Variants in SP9 observed in about 807,000 individuals in gnomAD.
The protein encoded by SP9 is Sp9 transcription factor, also known as transcription factor Sp9.
SP9 carries 5 observed loss-of-function variants against 23.0 expected under a neutral mutation model. The ratio of observed to expected loss-of-function variants is 0.22; its 90% CI spans 0.11 to 0.46. The LOEUF (loss-of-function observed/expected upper bound fraction) is 0.46, where lower values mean the gene tolerates loss of function less well. Among genes scored for constraint, SP9 ranks in the 20% least tolerant of loss-of-function variants. The probability of loss-of-function intolerance (pLI) is 0.99; values close to 1 mark genes in which losing one functional copy is unlikely to be tolerated. For missense variants in SP9, 542 were observed against 724.0 expected, an observed-to-expected ratio of 0.75 and a Z score of 2.88; for synonymous variants, 360 against 356.5, an observed-to-expected ratio of 1.01 and a Z score of -0.11.
Position 174,336,856 on chromosome 2 carries a change from G to A in SP9, c.771G>A (p.Gln257=). ...LLSTSQHLLA[Q]DGFKPVLPSY... is the part of the protein sequence containing the mutation. ...CCACCAGCCAGCACCTGCTGGCCCAGGACGGCTTCAAGCCGGTGTTGCCCT... is the reference window on the plus strand; with the variant it reads ...CCACCAGCCAGCACCTGCTGGCCCAAGACGGCTTCAAGCCGGTGTTGCCCT... Residue 257 remains glutamine (Q), a synonymous_variant, in exon 2 of 2, where the codon CAG becomes CAA. Transcript: ENST00000394967. 6.6e-7 allele frequency: 1 copy of A among 1,522,906 alleles called. No homozygotes were observed. Among genetic ancestry groups the A allele is most frequent in the Non-Finnish European group, 8.8e-7 (1 of 1,141,404 alleles). The allele number at this position is 1,522,906 out of a possible 1,614,324, so 94.3% of individuals were successfully genotyped here.
rs1481291700 is a variant in SP9, at chr2:174,337,035, A to G, written c.950A>G (p.Glu317Gly). The change falls in exon 2 of 2, where the codon GAG (glutamate) becomes GGG (glycine). Residue 317 changes from glutamate to glycine, a missense_variant. This residue lies in a region of SP9 where 56 missense variants were observed against 97.8 expected (regional missense o/e 0.57). Transcript: ENST00000394967. ...GACTGCCCCAACTGCCAGGAGGCGG[A>G]GCGGCTGGGCCCGGCCGGGGCGAGC... ...TCDCPNCQEA[E>G]RLGPAGASLR... 6.6e-7 allele frequency: 1 copy of G among 1,521,200 alleles called. No individual in the cohort carries two copies. The highest frequency in any genetic ancestry group is 8.8e-7 in the Non-Finnish European group (1 of 1,139,566). The allele number at this position is 1,521,200 out of a possible 1,614,324, so 94.2% of individuals were successfully genotyped here.
Position 174,336,153 on chromosome 2 carries a change from C to A in SP9, c.68C>A (p.Thr23Asn). The A allele has an allele frequency of 1.3e-6, 2 of 1,551,158 alleles. No individual in the cohort carries two copies. Among genetic ancestry groups the A allele is most frequent in the Non-Finnish European group, 1.7e-6 (2 of 1,146,698 alleles). The change falls in exon 2 of 2, where the codon ACC becomes AAC. Residue 23 changes from threonine to asparagine, a missense_variant. Coordinates refer to ENST00000394967, the MANE Select transcript of SP9 (RefSeq NM_001145250.2). ...GTTPLAMLAA[T>N]CNKIGNTSPL... ...ACCCCGTTGGCCATGCTGGCGGCGA[C>A]CTGCAACAAGATCGGCAACACGAGC...
Position 174,336,690 on chromosome 2 carries a change from G to C in SP9, c.605G>C (p.Ser202Thr). The C allele has an allele frequency of 6.6e-7, 1 of 1,519,882 alleles. No individual in the cohort carries two copies. The highest frequency in any genetic ancestry group is 8.8e-7 in the Non-Finnish European group (1 of 1,139,968). The allele number at this position is 1,519,882 out of a possible 1,614,324, so 94.1% of individuals were successfully genotyped here. Residue 202 changes from serine to threonine, a missense_variant, in exon 2 of 2, where the codon AGC becomes ACC. Coordinates refer to ENST00000394967, the MANE Select transcript of SP9 (RefSeq NM_001145250.2). ...CAGAACCCCGCTGGGGGGCTCCAGA[G>C]CTCGCTGCACTCGGGCGCCCCCCAG... ...EVQNPAGGLQ[S>T]SLHSGAPQAS...
chr2:174,336,626 T>G lies in SP9; in HGVS notation c.541T>G (p.Trp181Gly). Residue 181 changes from tryptophan (W) to glycine (G), a missense_variant, in exon 2 of 2, where the codon TGG becomes GGG. Around this residue, in one of 8 missense-constraint regions of SP9, gnomAD observed 144 missense variants for 158.7 expected, o/e 0.91. Transcript: ENST00000394967. ...GACCAACGGCGCGGCGTCGTCGTGG[T>G]GGGACGTGCACAGCAGCCCGGGCTC... ...EVTNGAASSW[W>G]DVHSSPGSWL... 1 of 1,447,728 alleles carries G rather than the reference T, an allele frequency of 6.9e-7. No individual in the cohort carries two copies. Among genetic ancestry groups the G allele is most frequent in the Non-Finnish European group, 9.1e-7 (1 of 1,104,120 alleles). 89.7% of individuals were successfully genotyped at this position (1,447,728 alleles called of 1,614,324 possible). A position where few individuals can be genotyped will look rare whatever the true frequency, so the allele number is the denominator to read the frequency against.
At position 174,337,870 on chromosome 2, in the gene SP9, C is replaced by T. The variant is rs993642125; in HGVS notation, c.*330C>T. 2.5e-5 allele frequency: 4 copies of T among 157,082 alleles called. No individual in the cohort carries two copies. The highest frequency in any genetic ancestry group is 9.9e-5 in the African/African-American group (4 of 40,336). The allele number at this position is 157,082 out of a possible 1,614,324, so 9.7% of individuals were successfully genotyped here. On this transcript the variant is annotated 3_prime_UTR_variant, in exon 2 of 2. Transcript: ENST00000394967. The stretch of plus-strand genomic sequence containing the variant: ...ACCTACAACCACAAGCACGCACACT[C>T]GCGCGCGCACACACATACCACTCGC...
chr2:174,337,501 G>C lies in SP9; in HGVS notation c.1416G>C (p.Ala472=), dbSNP rs1559049540. The change falls in exon 2 of 2, where the codon GCG becomes GCC. Residue 472 remains alanine (A), a synonymous_variant. Transcript: ENST00000394967. ...CGGCGGCGGCGGCGGCGGCCTCCGC[G>C]GGAGGCAAGGAAGCAGCGTCTGGCC... The part of the protein sequence containing the change: ...AAAAAAAAAS[A]GGKEAASGPN... 2.5e-6 allele frequency: 3 copies of C among 1,188,740 alleles called. No homozygotes were observed. The highest frequency in any genetic ancestry group is 3.1e-6 in the Non-Finnish European group (3 of 956,388). 73.6% of individuals were successfully genotyped at this position (1,188,740 alleles called of 1,614,324 possible).
intron 1 of SP9, 83 bp from the exon 2 acceptor site, chr2:174,336,024 T>C: frequency 1.5e-6 from 2 of 1,335,736 alleles, no homozygotes; most frequent in Non-Finnish European, 2.1e-6. Context: ...GGGACGAGGC[T>C]GCTCACGGGT....
At position 174,338,483 on chromosome 2, in the gene SP9, A is replaced by T. The variant is rs781597883; in HGVS notation, c.*943A>T. 3.9e-5 allele frequency: 6 copies of T among 152,214 alleles called. No individual in the cohort carries two copies. Among genetic ancestry groups the T allele is most frequent in the African/African-American group, 4.8e-5 (2 of 41,462 alleles). 9.4% of individuals were successfully genotyped at this position (152,214 alleles called of 1,614,324 possible). ...ATCATATTTTCATTTTGGTATTATTAAAGGACTCTGAACAATACATTTCCT... is the reference window on the plus strand; with the variant it reads ...ATCATATTTTCATTTTGGTATTATTTAAGGACTCTGAACAATACATTTCCT... On this transcript the variant is annotated 3_prime_UTR_variant, in exon 2 of 2. Transcript: ENST00000394967.
Position 174,335,019 on chromosome 2 carries a change from A to G in SP9, c.-74A>G. ...CGCGGGGACGCGGGAGCCGCGCGGG[A>G]CCCAAGCAGTTTTTCCGAGCAGCCG... is the stretch of plus-strand genomic sequence containing the variant. On this transcript the variant is annotated 5_prime_UTR_variant, in exon 1 of 2. Coordinates refer to ENST00000394967, the MANE Select transcript of SP9 (RefSeq NM_001145250.2). 2 of 1,516,002 alleles carry G rather than the reference A, an allele frequency of 1.3e-6. No individual in the cohort carries two copies. The highest frequency in any genetic ancestry group is 1.8e-6 in the Non-Finnish European group (2 of 1,116,690). 93.9% of individuals were successfully genotyped at this position (1,516,002 alleles called of 1,614,324 possible). A position where few individuals can be genotyped will look rare whatever the true frequency, so the allele number is the denominator to read the frequency against.
Position 174,334,969 on chromosome 2 carries a change from G to C in SP9, c.-124G>C, listed in dbSNP as rs1378312428. 4.4e-6 allele frequency: 5 copies of C among 1,140,684 alleles called. No individual in the cohort carries two copies. The highest frequency in any genetic ancestry group is 4.1e-5 in the South Asian group (3 of 73,328). 70.7% of individuals were successfully genotyped at this position (1,140,684 alleles called of 1,614,324 possible). On this transcript the variant is annotated 5_prime_UTR_variant, in exon 1 of 2. Transcript: ENST00000394967. ...CACTTAGGCTGAGTTTAGCCGGCGGGAGCCTGGAGTCCGCTCGGCACGAGC... is the reference window on the plus strand; with the variant it reads ...CACTTAGGCTGAGTTTAGCCGGCGGCAGCCTGGAGTCCGCTCGGCACGAGC...
chr2:174,337,426 C>T lies in SP9; in HGVS notation c.1341C>T (p.Asp447=). ...AATCCCCCGACCTCATCCTGCATGA[C>T]TCCGGCGTCAGTGCCGCCCGGGCGG... The part of the protein sequence containing the change: ...RSESPDLILH[D]SGVSAARAAA... Residue 447 remains aspartate, a synonymous_variant, in exon 2 of 2, where the codon GAC becomes GAT. Transcript: ENST00000394967. 1 of 1,463,726 alleles carries T rather than the reference C, an allele frequency of 6.8e-7. No individual in the cohort carries two copies. The highest frequency in any genetic ancestry group is 9.1e-7 in the Non-Finnish European group (1 of 1,100,314). 90.7% of individuals were successfully genotyped at this position (1,463,726 alleles called of 1,614,324 possible).
rs990377989 is a variant in SP9, at chr2:174,338,316, T to A, written c.*776T>A. 1.6e-4 allele frequency: 24 copies of A among 152,240 alleles called. No individual in the cohort carries two copies. Among genetic ancestry groups the A allele is most frequent in the South Asian group, 8.3e-4 (4 of 4,838 alleles). 9.4% of individuals were successfully genotyped at this position (152,240 alleles called of 1,614,324 possible). A position where few individuals can be genotyped will look rare whatever the true frequency, so the allele number is the denominator to read the frequency against. On this transcript the variant is annotated 3_prime_UTR_variant, in exon 2 of 2. Transcript: ENST00000394967. ...TCCCTGAAATTCAGGGAGTTTTTTT[T>A]AATTTTCTGATGCACTTTGTGAAAG...
rs999190655 is a variant in SP9, at chr2:174,336,429, C to T, written c.344C>T (p.Ala115Val). The T allele has an allele frequency of 4.8e-6, 7 of 1,467,354 alleles. No homozygotes were observed. In the African/African-American group the frequency reaches 6.0e-5, roughly 13 times the overall value. The allele number at this position is 1,467,354 out of a possible 1,614,324, so 90.9% of individuals were successfully genotyped here. A position where few individuals can be genotyped will look rare whatever the true frequency, so the allele number is the denominator to read the frequency against. Residue 115 changes from alanine (A) to valine (V), a missense_variant, in exon 2 of 2, where the codon GCC becomes GTC. Physicochemically the swap from Ala to Val is moderately conservative, Grantham distance 64. Transcript: ENST00000394967. ...GGCCTCTTCTCCAACTCGGCGGCTG[C>T]CGCGGCGGCAGCGGCCGGGGTGTCC... ...YGGLFSNSAA[A>V]AAAAAGVSPQ...
chr2:174,337,536 C>T lies in SP9; in HGVS notation c.1451C>T (p.Ser484Phe). Residue 484 changes from serine (S) to phenylalanine (F), a missense_variant, in exon 2 of 2, where the codon TCT (serine) becomes TTT (phenylalanine). Ser to Phe is a radical substitution (Grantham distance 155). Coordinates refer to ENST00000394967, the MANE Select transcript of SP9 (RefSeq NM_001145250.2). ...GKEAASGPND[S>F] ...GAAGCAGCGTCTGGCCCCAACGACT[C>T]TTAGAGGCCGGGCGAGAGGCGCGAG... 8.6e-7 allele frequency: 1 copy of T among 1,164,054 alleles called. No individual in the cohort carries two copies. Among genetic ancestry groups the T allele is most frequent in the Non-Finnish European group, 1.1e-6 (1 of 942,832 alleles). The allele number at this position is 1,164,054 out of a possible 1,614,324, so 72.1% of individuals were successfully genotyped here. A position where few individuals can be genotyped will look rare whatever the true frequency, so the allele number is the denominator to read the frequency against.
Position 174,336,506 on chromosome 2 carries a change from G to T in SP9, c.421G>T (p.Ala141Ser). The T allele has an allele frequency of 6.8e-7, 1 of 1,469,120 alleles. No homozygotes were observed. The allele number at this position is 1,469,120 out of a possible 1,614,324, so 91.0% of individuals were successfully genotyped here. Residue 141 changes from alanine to serine, a missense_variant, in exon 2 of 2, where the codon GCA becomes TCA. Physicochemically the swap from Ala to Ser is moderately conservative, Grantham distance 99. This residue lies in a region of SP9 where 201 missense variants were observed against 226.3 expected (regional missense o/e 0.89). Transcript: ENST00000394967. The part of the protein sequence containing the change: ...SAFISKVHTT[A>S]ADGLYPRVGM... ...CTTCATTTCCAAGGTGCACACGACG[G>T]CAGCCGACGGGCTGTACCCGCGCGT...
Position 174,336,342 on chromosome 2 carries a change from A to G in SP9, c.257A>G (p.Asn86Ser), listed in dbSNP as rs1048688957. Residue 86 changes from asparagine to serine, a missense_variant, in exon 2 of 2, where the codon AAC becomes AGC. This residue lies in a region of SP9 where 201 missense variants were observed against 226.3 expected (regional missense o/e 0.89). Coordinates refer to ENST00000394967, the MANE Select transcript of SP9 (RefSeq NM_001145250.2). ...GGLAGGSGAA[N>S]SAFCLASTSP... ...CTGGCGGGCGGCTCGGGCGCCGCCA[A>G]CAGCGCCTTCTGCCTGGCCTCCACG... 6.0e-6 allele frequency: 9 copies of G among 1,499,274 alleles called. No homozygotes were observed. Among genetic ancestry groups the G allele is most frequent in the Admixed American group, 2.2e-5 (1 of 45,268 alleles). 92.9% of individuals were successfully genotyped at this position (1,499,274 alleles called of 1,614,324 possible).
In SP9 at chr2:174,335,040, A is replaced by G; in HGVS notation, c.-53A>G. 6.5e-7 allele frequency: 1 copy of G among 1,544,680 alleles called. No homozygotes were observed. Among genetic ancestry groups the G allele is most frequent in the Non-Finnish European group, 8.8e-7 (1 of 1,141,690 alleles). On this transcript the variant is annotated 5_prime_UTR_variant, in exon 1 of 2. Transcript: ENST00000394967. ...CGGGACCCAAGCAGTTTTTCCGAGC[A>G]GCCGCCAGGCTCAGCCCCGCTCCCA...
chr2:174,335,370 C>A (rs1684389154), intron 1 of SP9: 4 of 516,756 alleles, frequency 7.7e-6, no homozygotes, highest in Non-Finnish European at 1.1e-5. Flanking sequence ...TTCTTTTCTT[C>A]CCCTCGTGAT....
chr2:174,335,848 A>G (rs1488253151), intron 1 of SP9: 1 of 496,092 alleles, frequency 2.0e-6, no homozygotes. Context: ...AGCGGGGAAC[A>G]CGGAGGCATC....
Sources: gnomAD v4.1 joint callset for allele counts on GRCh38, gnomAD v4.1.1 for gene constraint, gnomAD v4.1.1 regional missense constraint, MANE v1.5 for transcripts, NCBI Gene and HGNC (gene_info 2026-07-23, HGNC 2026-07-21) for gene names.